The following TJP1 variants were observed in gnomAD, a reference collection of about 807,000 sequenced individuals.
TJP1 encodes the protein tight junction protein ZO-1.
TJP1 carries 43 observed loss-of-function variants against 194.2 expected under a neutral mutation model. The observed-to-expected ratio is 0.22, with a 90% CI of 0.17 to 0.29. The LOEUF (loss-of-function observed/expected upper bound fraction) is 0.29, where lower values mean the gene tolerates loss of function less well. TJP1 is among the 10% of genes least tolerant of loss of function. The pLI is 1.00. For synonymous variants in TJP1, 801 were observed against 779.0 expected, an observed-to-expected ratio of 1.03 and a Z score of -0.47; for missense variants, 1,971 against 2,185.7, an observed-to-expected ratio of 0.90 and a Z score of 1.96.
intron 16 of TJP1, 91 bp from the exon 17 acceptor site, chr15:29,727,082 G>A (rs2043286942): frequency 5.2e-6 from 6 of 1,146,854 alleles, no homozygotes; most frequent in Admixed American, 2.0e-5. Context: ...CTCACGCTAC[G>A]CCTATAATCC....
At chr15:29,798,994 T>C (rs1354288380) in intron 2 of TJP1, among the ~76,000 whole-genome samples, 1 of 152,220 alleles carries the variant, frequency 6.6e-6, no homozygotes, top group Non-Finnish European at 1.5e-5. Context: ...TAAGTGGACG[T>C]GAGGGGACCG....
At chr15:29,949,150 C>T (rs912583093) in intron 2 of TJP1, among the ~76,000 whole-genome samples, 6 of 149,630 alleles carry the variant, frequency 4.0e-5, no homozygotes, top group Admixed American at 1.3e-4. Flanking sequence ...CCTTCACCAC[C>T]TCCACTACTA....
chr15:29,733,187 G>A lies in TJP1; in HGVS notation c.1643C>T (p.Thr548Ile), dbSNP rs2151264083. The A allele has an allele frequency of 6.2e-7, 1 of 1,614,088 alleles. No individual in the cohort carries two copies. Among genetic ancestry groups the A allele is most frequent in the Non-Finnish European group, 8.5e-7 (1 of 1,180,000 alleles). ...AGAGCCCAGTTTTCCATTGTACAAG[G>A]TATCCACAACACGGAACACCTCTCC... is the stretch of plus-strand genomic sequence containing the variant. ...NKGEVFRVVD[T>I]LYNGKLGSWL... The change falls in exon 13 of 28, where the codon ACC (threonine) becomes ATC (isoleucine). Residue 548 changes from threonine to isoleucine, a missense_variant. Physicochemically the swap from Thr to Ile is moderately conservative, Grantham distance 89. Around this residue, in one of 5 missense-constraint regions of TJP1, gnomAD observed 402 missense variants for 484.2 expected, o/e 0.83. Coordinates refer to ENST00000614355, the MANE Select transcript of TJP1 (RefSeq NM_001330239.4).
intron 2 of TJP1, among the ~76,000 whole-genome samples, chr15:29,920,334 C>A (rs533336841): frequency 6.6e-6 from 1 of 152,238 alleles, no homozygotes; most frequent in Non-Finnish European, 1.5e-5. Context: ...AAATATAAGG[C>A]TACTCCTCTT....
At chr15:29,753,265 C>T (rs1036874618) in intron 8 of TJP1, among the ~76,000 whole-genome samples, 2 of 151,750 alleles carry the variant, frequency 1.3e-5, no homozygotes, top group African/African-American at 2.4e-5. Flanking sequence ...AGGCAGATCA[C>T]GAGGTCAGGA....
rs1200624317 is a variant in TJP1, at chr15:29,708,683, T to C, written c.4726A>G (p.Lys1576Glu). ...KTPTSPKTLV[K>E]SHSLAQPPEF... Reference sequence around the variant, plus strand: ...GGAGGCTGTGCCAAACTGTGCGATTTCACAAGAGTTTTTGGAGAAGTGGGA... The same window carrying C: ...GGAGGCTGTGCCAAACTGTGCGATTCCACAAGAGTTTTTGGAGAAGTGGGA... Residue 1576 changes from lysine to glutamate, a missense_variant, in exon 25 of 28, where the codon AAA (lysine) becomes GAA (glutamate). This residue lies in a region of TJP1 where 1,108 missense variants were observed against 1,128.5 expected (regional missense o/e 0.98). Transcript: ENST00000614355. The C allele has an allele frequency of 6.2e-7, 1 of 1,614,258 alleles. No individual in the cohort carries two copies.
chr15:29,840,648 C>T (rs1002780757), intron 2 of TJP1, among the ~76,000 whole-genome samples: 7 of 152,168 alleles, frequency 4.6e-5, no homozygotes, highest in African/African-American at 1.7e-4. Context: ...GGCCAGGCAG[C>T]CTCCATCTTT....
In TJP1 at chr15:29,960,635, CA is replaced by C. The variant is rs3085441; in HGVS notation, c.174-4272del. Among the ~76,000 whole-genome samples, 262 of 117,834 alleles carry C rather than the reference CA, an allele frequency of 2.2e-3. 1 individual carries two copies. Among genetic ancestry groups the C allele is most frequent in the Middle Eastern group, 4.5e-3 (1 of 224 alleles). 77.3% of individuals were successfully genotyped at this position (117,834 alleles called of 152,430 possible). ...TGGGCAATGGAGTGAGACCATGTCT[CA>C]AAAAAAAAAAAAAAAGTAATAATCA... On this transcript the variant is annotated intron_variant, in intron 1 of 28. Transcript: ENST00000356107.
chr15:29,963,841 A>T (rs1328205864), intron 1 of TJP1, among the ~76,000 whole-genome samples: 1 of 152,050 alleles, frequency 6.6e-6, no homozygotes, highest in Non-Finnish European at 1.5e-5. Context: ...TTTAGTAGAG[A>T]CAGGGTTTCA....
intron 1 of TJP1, among the ~76,000 whole-genome samples, chr15:29,958,115 A>G (rs910399617): frequency 1.3e-5 from 2 of 152,140 alleles, no homozygotes; most frequent in Admixed American, 6.6e-5. Flanking sequence ...TTTATGACAC[A>G]TATCTTCTTA....
At chr15:29,931,788 A>T (rs2054722706) in intron 2 of TJP1, among the ~76,000 whole-genome samples, 1 of 152,242 alleles carries the variant, frequency 6.6e-6, no homozygotes, top group South Asian at 2.1e-4. Context: ...TTAGGAAAGT[A>T]AAGGAATAAA....
chr15:29,736,318 T>C (rs1225942667), intron 11 of TJP1, among the ~76,000 whole-genome samples: 1 of 151,826 alleles, frequency 6.6e-6, no homozygotes, highest in Admixed American at 6.6e-5. Flanking sequence ...AATAAGACAG[T>C]GGAAGATAGA....
At chr15:29,923,869 G>C (rs1049420716) in intron 2 of TJP1, among the ~76,000 whole-genome samples, 1 of 152,176 alleles carries the variant, frequency 6.6e-6, no homozygotes. Context: ...GAATGTTTGC[G>C]TGACCCCTGC....
chr15:29,719,206 G>A, intron 20 of TJP1, 68 bp from the exon 21 acceptor site: 11 of 1,399,616 alleles, frequency 7.9e-6, no homozygotes, highest in South Asian at 2.8e-5. Context: ...ATTAGACTGT[G>A]ATTAAATATT....
chr15:29,728,392 G>T, intron 15 of TJP1: 1 of 177,906 alleles, frequency 5.6e-6, no homozygotes. Context: ...TAAACTGAGG[G>T]GGCTGCTCCT....
intron 8 of TJP1, among the ~76,000 whole-genome samples, chr15:29,753,581 G>A (rs1023890176): frequency 1.3e-5 from 2 of 149,780 alleles, no homozygotes; most frequent in African/African-American, 2.5e-5. Context: ...GGCAAAGGAC[G>A]AATGAGCAGG....
chr15:29,877,231 T>G (rs186860872), intron 2 of TJP1, among the ~76,000 whole-genome samples: 3 of 152,406 alleles, frequency 2.0e-5, no homozygotes, highest in Admixed American at 1.3e-4. Context: ...TCTTTTATTT[T>G]TATTGTTTGA....
At chr15:29,796,421 A>C (rs2048415978) in intron 2 of TJP1, among the ~76,000 whole-genome samples, 1 of 150,512 alleles carries the variant, frequency 6.6e-6, no homozygotes, top group African/African-American at 2.4e-5. Context: ...AAAAAAAACT[A>C]TTTACAATAG....
downstream of TJP1, chr15:29,699,605 G>GA (rs1473905791): frequency 1.3e-5 from 2 of 152,084 alleles, no homozygotes; most frequent in African/African-American, 2.4e-5. Context: ...TAACAAAGAT[G>GA]AAAAAAATAA....
Sources: gnomAD v4.1 joint callset for allele counts (sites outside exome capture counted in the v4.1 genomes callset) on GRCh38, gnomAD v4.1.1 for gene constraint, gnomAD v4.1.1 regional missense constraint, MANE v1.5 for transcripts, NCBI Gene and HGNC (gene_info 2026-07-23, HGNC 2026-07-21) for gene names.